Variants in ARHGAP10 observed in about 807,000 individuals in gnomAD.
ARHGAP10 encodes Rho GTPase activating protein 10.
Under a neutral mutation model 108.6 loss-of-function variants are expected in ARHGAP10, and 87 were observed. The ratio of observed to expected loss-of-function variants is 0.80; its 90% confidence interval spans 0.67 to 0.96. The LOEUF (loss-of-function observed/expected upper bound fraction) is 0.96. ARHGAP10 is among the 40% of genes least tolerant of loss of function. The pLI is 0.00. For synonymous variants in ARHGAP10, 347 were observed against 341.1 expected, an observed-to-expected ratio of 1.02 and a Z score of -0.19; for missense variants, 939 against 954.5, an observed-to-expected ratio of 0.98 and a Z score of 0.21.
intron 20 of ARHGAP10, among the ~76,000 whole-genome samples, chr4:148,048,941 G>A (rs899963220): frequency 1.3e-5 from 2 of 150,984 alleles, no homozygotes; most frequent in African/African-American, 4.9e-5. Context: ...AGTAGTTGAA[G>A]CAAGCCTGGA....
At chr4:147,905,815 A>G (rs1736463057) in intron 10 of ARHGAP10, among the ~76,000 whole-genome samples, 2 of 151,646 alleles carry the variant, frequency 1.3e-5, no homozygotes, top group Non-Finnish European at 2.9e-5. Flanking sequence ...TCTATAAATT[A>G]CCTTGGGCAG....
At chr4:147,807,931 G>A (rs1239016959) in intron 1 of ARHGAP10, among the ~76,000 whole-genome samples, 2 of 152,190 alleles carry the variant, frequency 1.3e-5, no homozygotes, top group East Asian at 3.9e-4. Context: ...GTGTATAGGG[G>A]AAGAGAGAAT....
At chr4:147,757,007 CAG>C (rs1334609329) in intron 1 of ARHGAP10, among the ~76,000 whole-genome samples, 4 of 150,856 alleles carry the variant, frequency 2.7e-5, no homozygotes, top group African/African-American at 9.7e-5. Context: ...AGTGCAGTTG[CAG>C]AGAGAGTGAG....
intron 1 of ARHGAP10, among the ~76,000 whole-genome samples, chr4:147,760,997 A>G (rs1000763420): frequency 6.7e-6 from 1 of 150,290 alleles, no homozygotes; most frequent in Non-Finnish European, 1.5e-5. Flanking sequence ...GAGGCAGTTT[A>G]TTTTGTAAGT....
At chr4:147,741,966 C>T (rs889872034) in intron 1 of ARHGAP10, among the ~76,000 whole-genome samples, 1 of 152,140 alleles carries the variant, frequency 6.6e-6, no homozygotes, top group Non-Finnish European at 1.5e-5. Flanking sequence ...CTCAGAAAGA[C>T]ATTAATCCAG....
At chr4:147,955,706 A>G (rs1578730307) in intron 16 of ARHGAP10, among the ~76,000 whole-genome samples, 1 of 152,146 alleles carries the variant, frequency 6.6e-6, no homozygotes, top group South Asian at 2.1e-4. Flanking sequence ...GGCATGAGCA[A>G]AATGCTGAGG....
rs577667061 is a variant in ARHGAP10 at position 147,786,502 on chromosome 4, C to G, written c.155-36225C>G. On this transcript the variant is annotated intron_variant, in intron 1 of 22. Coordinates refer to ENST00000336498, the MANE Select transcript of ARHGAP10 (RefSeq NM_024605.4). ...TTTCCGCTTTTTCATTGATCTCTTT[C>G]CCTTAACCCAGATACTTTCCCATCT... Among the ~76,000 whole-genome samples the G allele has an allele frequency of 7.2e-5, 11 of 152,268 alleles. No homozygotes were observed. The East Asian group carries it at 2.1e-3, about 29-fold the overall frequency.
chr4:147,770,845 A>G (rs1168277647), intron 1 of ARHGAP10, among the ~76,000 whole-genome samples: 1 of 152,146 alleles, frequency 6.6e-6, no homozygotes, highest in Non-Finnish European at 1.5e-5. Context: ...CTTAAATAGC[A>G]GTCTTATTTT....
intron 21 of ARHGAP10, 150 bp downstream of exon 21, chr4:148,063,450 T>C: frequency 1.8e-6 from 2 of 1,094,508 alleles, no homozygotes; most frequent in African/African-American, 1.6e-5. Flanking sequence ...TACCACCTTG[T>C]ATCAGGGCCG....
chr4:148,030,989 G>T (rs569398449), intron 19 of ARHGAP10, among the ~76,000 whole-genome samples: 15 of 152,264 alleles, frequency 9.9e-5, no homozygotes, highest in Non-Finnish European at 1.6e-4. Context: ...GGCCTGGGAA[G>T]TTGAGGCTGC....
Position 147,965,579 on chromosome 4 carries a change from C to T in ARHGAP10, c.1556+450C>T, listed in dbSNP as rs559750096. Among the ~76,000 whole-genome samples, 6 of 152,272 alleles carry T rather than the reference C, an allele frequency of 3.9e-5. 2 individuals carry two copies. Among genetic ancestry groups the T allele is most frequent in the African/African-American group, 1.4e-4 (6 of 41,566 alleles). On this transcript the variant is annotated intron_variant, in intron 17 of 22. Transcript: ENST00000336498. ...AAATCAGTGGAGAAATTAGCCCTTT[C>T]TTTAAGTATAGAGATCATTCTAACT...
At chr4:147,979,458 G>T (rs758630684) in intron 18 of ARHGAP10, among the ~76,000 whole-genome samples, 13 of 151,908 alleles carry the variant, frequency 8.6e-5, no homozygotes, top group Admixed American at 2.0e-4. Context: ...TTGTAGCCTT[G>T]TAGTATTGTT....
chr4:147,734,916 C>A (rs1578980094), intron 1 of ARHGAP10, among the ~76,000 whole-genome samples: 1 of 152,084 alleles, frequency 6.6e-6, no homozygotes, highest in South Asian at 2.1e-4. Flanking sequence ...TTTTATTTTA[C>A]AAAAATGACC....
At chr4:147,887,406 C>G (rs1210240177) in intron 10 of ARHGAP10, among the ~76,000 whole-genome samples, 1 of 149,674 alleles carries the variant, frequency 6.7e-6, no homozygotes, top group African/African-American at 2.5e-5. Context: ...GTTTTGGCTC[C>G]CGGCAGCAAG....
At chr4:147,881,765 C>T in intron 9 of ARHGAP10, 73 bp from the exon 10 acceptor site, 1 of 1,373,098 alleles carries the variant, frequency 7.3e-7, no homozygotes, top group Non-Finnish European at 1.0e-6. Flanking sequence ...CCCCTGCTCT[C>T]CAGTATAGAA....
intron 4 of ARHGAP10, among the ~76,000 whole-genome samples, chr4:147,848,059 A>AT (rs886547989): frequency 4.8e-5 from 7 of 145,016 alleles, no homozygotes; most frequent in South Asian, 2.2e-4. Flanking sequence ...TTATATTTGT[A>AT]TTTTTTTCCC....
chr4:147,997,083 G>C (rs142101308), intron 18 of ARHGAP10, among the ~76,000 whole-genome samples: 61 of 152,344 alleles, frequency 4.0e-4, no homozygotes, highest in African/African-American at 1.4e-3. Flanking sequence ...GTGCACGGAA[G>C]AATAACACAG....
intron 13 of ARHGAP10, among the ~76,000 whole-genome samples, chr4:147,934,209 G>A (rs772326709): frequency 2.6e-5 from 4 of 152,214 alleles, no homozygotes; most frequent in Non-Finnish European, 4.4e-5. Context: ...CAGGCTCAAG[G>A]CCAAAGAGGG....
intron 19 of ARHGAP10, among the ~76,000 whole-genome samples, chr4:148,036,066 C>CTGTGTGTGTGTGTGTG (rs61692055): frequency 7.0e-6 from 1 of 142,762 alleles, no homozygotes; most frequent in African/African-American, 2.6e-5. Context: ...GGAGCTGCCT[C>CTGTGTGTGTGTGTGTG]TGTGTGTGTG....
Sources: gnomAD v4.1 joint callset for allele counts (sites outside exome capture counted in the v4.1 genomes callset) on GRCh38, gnomAD v4.1.1 for gene constraint, MANE v1.5 for transcripts, NCBI Gene and HGNC (gene_info 2026-07-23, HGNC 2026-07-21) for gene names.